CCDC192: variants seen among roughly 807,000 people sequenced by gnomAD.
CCDC192 encodes coiled-coil domain containing 192.
At chr5:127,794,185 G>A (rs1757036469) in intron 3 of CCDC192, among the ~76,000 whole-genome samples, 1 of 152,146 alleles carries the variant, frequency 6.6e-6, no homozygotes, top group South Asian at 2.1e-4. Context: ...GCCAGGCTCT[G>A]ATTAGTTTAT....
chr5:127,786,602 A>G, intron 3 of CCDC192: 2 of 738,612 alleles, frequency 2.7e-6, no homozygotes, highest in Non-Finnish European at 5.1e-6. Context: ...GTCCTTTGTC[A>G]CATTCACGGT....
intron 5 of CCDC192, among the ~76,000 whole-genome samples, chr5:127,844,202 G>A (rs1316865935): frequency 6.6e-6 from 1 of 152,144 alleles, no homozygotes; most frequent in Non-Finnish European, 1.5e-5. Flanking sequence ...TTGAATATGT[G>A]CTTTGACAGA....
intron 3 of CCDC192, among the ~76,000 whole-genome samples, chr5:127,769,105 T>G (rs1043301562): frequency 2.6e-5 from 4 of 152,210 alleles, no homozygotes; most frequent in African/African-American, 9.6e-5. Flanking sequence ...TTACCGCATG[T>G]AAATGTGTGG....
At chr5:127,713,051 A>G (rs1751428813) in intron 2 of CCDC192, among the ~76,000 whole-genome samples, 2 of 152,114 alleles carry the variant, frequency 1.3e-5, no homozygotes, top group African/African-American at 4.8e-5. Flanking sequence ...CCTGACCAAC[A>G]TGGAGAAACG....
At chr5:127,777,529 A>G (rs1177004976) in intron 3 of CCDC192, among the ~76,000 whole-genome samples, 3 of 152,082 alleles carry the variant, frequency 2.0e-5, no homozygotes, top group African/African-American at 7.2e-5. Context: ...ACTTTTGGGG[A>G]CTGTTGGGAA....
At chr5:127,752,761 C>A (rs935138781) in intron 2 of CCDC192, among the ~76,000 whole-genome samples, 1 of 152,168 alleles carries the variant, frequency 6.6e-6, no homozygotes, top group African/African-American at 2.4e-5. Context: ...TAGCAGTCAG[C>A]GAGACTCCGT....
chr5:127,851,719 G>T (rs1750805646), intron 5 of CCDC192, among the ~76,000 whole-genome samples: 1 of 152,182 alleles, frequency 6.6e-6, no homozygotes, highest in African/African-American at 2.4e-5. Context: ...GCCTCCCAAA[G>T]TGCTGGGATT....
At chr5:127,729,765 T>C (rs1279247325) in intron 2 of CCDC192, among the ~76,000 whole-genome samples, 1 of 152,156 alleles carries the variant, frequency 6.6e-6, no homozygotes, top group Non-Finnish European at 1.5e-5. Flanking sequence ...TGCTCCTGAA[T>C]GACTCCTGGG....
At chr5:127,781,750 G>A (rs1300658530) in intron 3 of CCDC192, among the ~76,000 whole-genome samples, 5 of 151,770 alleles carry the variant, frequency 3.3e-5, no homozygotes, top group African/African-American at 1.2e-4. Context: ...GTGTCTTTAG[G>A]GTTTTCAAGG....
At chr5:127,749,597 G>A (rs1447222253) in intron 2 of CCDC192, among the ~76,000 whole-genome samples, 4 of 151,778 alleles carry the variant, frequency 2.6e-5, no homozygotes, top group Admixed American at 2.0e-4. Context: ...GTCTCTGCCC[G>A]GCTTTGGTAT....
chr5:127,921,128 A>AGGACAGGAGAAAGGAGAGGAAG (rs1753705888), intron 6 of CCDC192, among the ~76,000 whole-genome samples: 2 of 150,732 alleles, frequency 1.3e-5, no homozygotes, highest in African/African-American at 4.9e-5. Context: ...AGGAGAGGAA[A>AGGACAGGAGAAAGGAGAGGAAG]GGACAGGAGA....
intron 2 of CCDC192, among the ~76,000 whole-genome samples, chr5:127,730,640 T>G (rs1199208918): frequency 6.6e-6 from 1 of 152,050 alleles, no homozygotes; most frequent in African/African-American, 2.4e-5. Context: ...GCAAACCAAA[T>G]CCAGCAGCAC....
At chr5:127,800,839 T>C (rs187841385) in intron 5 of CCDC192, among the ~76,000 whole-genome samples, 1 of 152,316 alleles carries the variant, frequency 6.6e-6, no homozygotes, top group African/African-American at 2.4e-5. Flanking sequence ...TGAATATGTT[T>C]CTACAAGTTA....
rs1470983724 is a variant in CCDC192 at position 127,847,957 on chromosome 5, C to T, written c.412-27581C>T. Among the ~76,000 whole-genome samples the T allele has an allele frequency of 5.9e-5, 9 of 152,144 alleles. No homozygotes were observed. In the East Asian group the frequency reaches 1.6e-3, roughly 26 times the overall value. On this transcript the variant is annotated intron_variant, in intron 5 of 6. Transcript: ENST00000514853. ...GATTACTGGTGCCCACCACCACACC[C>T]AGCTAATTTTTGTATTTTCAGTAGA... is the stretch of plus-strand genomic sequence containing the variant.
chr5:127,830,378 A>G (rs534599206), intron 5 of CCDC192, among the ~76,000 whole-genome samples: 2 of 152,306 alleles, frequency 1.3e-5, no homozygotes, highest in South Asian at 4.1e-4. Context: ...GGTGACTTAA[A>G]CAATGGAAAT....
intron 5 of CCDC192, among the ~76,000 whole-genome samples, chr5:127,824,888 C>A (rs1353835352): frequency 1.3e-5 from 2 of 152,100 alleles, no homozygotes. Context: ...ATACTTGAAT[C>A]CAAACATGGT....
At chr5:127,744,353 G>A (rs919460579) in intron 2 of CCDC192, among the ~76,000 whole-genome samples, 3 of 151,912 alleles carry the variant, frequency 2.0e-5, no homozygotes, top group African/African-American at 7.2e-5. Context: ...TAGGGTGATA[G>A]GTGCCTGTCA....
chr5:127,711,905 A>G (rs1751356558), intron 2 of CCDC192, among the ~76,000 whole-genome samples: 1 of 152,084 alleles, frequency 6.6e-6, no homozygotes, highest in Admixed American at 6.6e-5. Context: ...TTACTAAGAC[A>G]TAATTGACAC....
rs55862955 is a variant in CCDC192 at position 127,876,063 on chromosome 5, ATTTTT to A, written c.535+420_535+424del. ...ACTAGGGCACAGGGAAGAGAACAGA[ATTTTT>A]TTTTTTTTTTTTTTTTTACCAATAG... On this transcript the variant is annotated intron_variant, in intron 6 of 6. Transcript: ENST00000514853. Among the ~76,000 whole-genome samples, 23 of 128,784 alleles carry A rather than the reference ATTTTT, an allele frequency of 1.8e-4. 1 individual carries two copies. In the South Asian group the frequency reaches 3.4e-3, roughly 19 times the overall value. 84.5% of individuals were successfully genotyped at this position (128,784 alleles called of 152,430 possible). A position where few individuals can be genotyped will look rare whatever the true frequency, so the allele number is the denominator to read the frequency against.
Sources: gnomAD v4.1 joint callset for allele counts (sites outside exome capture counted in the v4.1 genomes callset) on GRCh38, gnomAD v4.1.1 for gene constraint, MANE v1.5 for transcripts, NCBI Gene and HGNC (gene_info 2026-07-23, HGNC 2026-07-21) for gene names.